SEMA6D: variants seen among roughly 807,000 people sequenced by gnomAD.
The protein encoded by SEMA6D is semaphorin-6D.
A neutral mutation model predicts 106.6 loss-of-function variants in SEMA6D; 35 were observed. That is an observed-to-expected ratio of 0.33 (90% CI 0.25 to 0.44). The LOEUF (loss-of-function observed/expected upper bound fraction) is 0.44. SEMA6D is among the 20% of genes least tolerant of loss of function. The pLI is 1.00. For synonymous variants in SEMA6D, 499 were observed against 487.7 expected (o/e 1.02, Z -0.31); for missense variants, 1,185 against 1,345.9 (o/e 0.88, Z 1.87).
intron 2 of SEMA6D, chr15:47,470,441 T>C (rs937422136): frequency 1.3e-5 from 2 of 150,440 alleles, no homozygotes; most frequent in African/African-American, 5.0e-5. Flanking sequence ...TATCCCAATA[T>C]ATTTTTGTTC....
chr15:47,360,449 C>T (rs2038761231), intron 1 of SEMA6D, among the ~76,000 whole-genome samples: 1 of 152,188 alleles, frequency 6.6e-6, no homozygotes. Context: ...TAAAATTCAG[C>T]TTCTGAGTCA....
At chr15:47,488,526 T>C (rs1055641490) in intron 3 of SEMA6D, among the ~76,000 whole-genome samples, 2 of 152,002 alleles carry the variant, frequency 1.3e-5, no homozygotes, top group African/African-American at 2.4e-5. Context: ...TACTATGAGA[T>C]ATTTACTCCT....
At chr15:47,766,952 T>C in intron 16 of SEMA6D, 85 bp from the exon 17 acceptor site, 1 of 732,034 alleles carries the variant, frequency 1.4e-6, no homozygotes, top group Non-Finnish European at 2.2e-6. Flanking sequence ...TTTTTTTTTT[T>C]ACTTTTTTAG....
At chr15:47,695,950 T>G (rs968025328) in intron 4 of SEMA6D, among the ~76,000 whole-genome samples, 10 of 152,204 alleles carry the variant, frequency 6.6e-5, no homozygotes, top group Non-Finnish European at 1.3e-4. Context: ...AGTACACATT[T>G]AAAACATTTA....
chr15:47,648,237 A>G (rs1033671623), intron 4 of SEMA6D, among the ~76,000 whole-genome samples: 1 of 152,180 alleles, frequency 6.6e-6, no homozygotes, highest in Non-Finnish European at 1.5e-5. Flanking sequence ...TGGAGTTGGC[A>G]CATTCTCTCC....
chr15:47,405,954 C>A (rs1276542049), intron 1 of SEMA6D, among the ~76,000 whole-genome samples: 1 of 152,110 alleles, frequency 6.6e-6, no homozygotes, highest in African/African-American at 2.4e-5. Flanking sequence ...TGCCCTACAG[C>A]GATTCAGAAG....
At chr15:47,623,680 T>C (rs948466274) in intron 4 of SEMA6D, among the ~76,000 whole-genome samples, 7 of 152,164 alleles carry the variant, frequency 4.6e-5, no homozygotes, top group African/African-American at 1.7e-4. Context: ...GGTACGGATG[T>C]TATGTATCTT....
At chr15:47,552,891 A>AATATATATATATTTTATAT (rs71118186) in intron 3 of SEMA6D, among the ~76,000 whole-genome samples, 1 of 35,282 alleles carries the variant, frequency 2.8e-5, no homozygotes, top group African/African-American at 1.2e-4. Context: ...AATATATATA[A>AATATATATATATTTTATAT]ATATATATAT....
chr15:47,514,842 A>G (rs1449785444), intron 3 of SEMA6D, among the ~76,000 whole-genome samples: 2 of 152,164 alleles, frequency 1.3e-5, no homozygotes, highest in African/African-American at 2.4e-5. Context: ...AATATGTTCC[A>G]TGGAGCAGCA....
At chr15:47,724,646 G>A (rs764143942) in intron 1 of SEMA6D, among the ~76,000 whole-genome samples, 2 of 151,924 alleles carry the variant, frequency 1.3e-5, no homozygotes, top group Admixed American at 6.6e-5. Flanking sequence ...CAGGGGTGGG[G>A]TGGGGGTGAG....
chr15:47,768,351 A>G (rs371482506), intron 17 of SEMA6D, among the ~76,000 whole-genome samples: 2 of 152,254 alleles, frequency 1.3e-5, no homozygotes, highest in East Asian at 3.9e-4. Flanking sequence ...GAGCCTTTCG[A>G]GTATCTTTAA....
chr15:47,743,411 C>T (rs965538069), intron 1 of SEMA6D, among the ~76,000 whole-genome samples: 1 of 151,760 alleles, frequency 6.6e-6, no homozygotes, highest in Non-Finnish European at 1.5e-5. Context: ...GGCACAGGGT[C>T]GCACACAGAA....
chr15:47,717,991 G>A (rs1368394991), intron 1 of SEMA6D, among the ~76,000 whole-genome samples: 1 of 152,146 alleles, frequency 6.6e-6, no homozygotes, highest in Non-Finnish European at 1.5e-5. Context: ...CAAAGCTGGC[G>A]GCTTAGGGGG....
intron 1 of SEMA6D, among the ~76,000 whole-genome samples, chr15:47,229,304 A>G (rs1170463463): frequency 2.0e-5 from 3 of 151,998 alleles, no homozygotes; most frequent in African/African-American, 7.2e-5. Context: ...CACCCCAAGC[A>G]TCAGATGCTA....
chr15:47,217,163 C>T (rs1293850048), intron 1 of SEMA6D, among the ~76,000 whole-genome samples: 3 of 152,082 alleles, frequency 2.0e-5, no homozygotes, highest in Non-Finnish European at 4.4e-5. Context: ...TAAGTCATCC[C>T]GTGTATGGTA....
At chr15:47,233,976 A>T (rs890151768) in intron 1 of SEMA6D, among the ~76,000 whole-genome samples, 1 of 151,954 alleles carries the variant, frequency 6.6e-6, no homozygotes, top group African/African-American at 2.4e-5. Context: ...GTGAGAGAGG[A>T]CATTCTTGCT....
intron 3 of SEMA6D, among the ~76,000 whole-genome samples, chr15:47,497,792 GCT>G (rs2043718712): frequency 6.6e-6 from 1 of 152,008 alleles, no homozygotes; most frequent in Non-Finnish European, 1.5e-5. Flanking sequence ...CTATCATTCA[GCT>G]ACCACTGAAG....
chr15:47,578,918 A>C (rs2076205690), intron 3 of SEMA6D, among the ~76,000 whole-genome samples: 1 of 152,228 alleles, frequency 6.6e-6, no homozygotes, highest in Non-Finnish European at 1.5e-5. Flanking sequence ...GAAATAATCA[A>C]AAACAGAAAA....
intron 4 of SEMA6D, among the ~76,000 whole-genome samples, chr15:47,690,713 T>C (rs546885077): frequency 6.6e-6 from 1 of 152,234 alleles, no homozygotes; most frequent in Admixed American, 6.5e-5. Flanking sequence ...AAGCTTGTGC[T>C]AAACTCCCTT....
Sources: gnomAD v4.1 joint callset for allele counts (sites outside exome capture counted in the v4.1 genomes callset) on GRCh38, gnomAD v4.1.1 for gene constraint, MANE v1.5 for transcripts, NCBI Gene and HGNC (gene_info 2026-07-23, HGNC 2026-07-21) for gene names.